The following HEATR5A variants were observed in gnomAD, a reference collection of about 807,000 sequenced individuals.
HEATR5A encodes the protein HEAT repeat-containing protein 5A.
HEATR5A carries 178 observed loss-of-function variants against 218.8 expected under a neutral mutation model. The observed-to-expected ratio is 0.81, with a 90% CI of 0.72 to 0.92. The LOEUF is 0.92. Among genes scored for constraint, HEATR5A ranks in the 40% least tolerant of loss-of-function variants. The pLI, the probability that HEATR5A is intolerant of heterozygous loss-of-function variation, is 0.00. For synonymous variants in HEATR5A, 864 were observed against 871.6 expected, an observed-to-expected ratio of 0.99 and a Z score of 0.15; for missense variants, 2,420 against 2,418.9, an observed-to-expected ratio of 1.00 and a Z score of -0.01.
intron 32 of HEATR5A, chr14:31,302,859 A>G (rs1899429473): frequency 4.3e-6 from 1 of 232,430 alleles, no homozygotes; most frequent in African/African-American, 2.4e-5. Flanking sequence ...TACCATTTTA[A>G]CCATTTTTAG....
At chr14:31,325,279 A>T (rs1900226709) in intron 23 of HEATR5A, among the ~76,000 whole-genome samples, 1 of 152,192 alleles carries the variant, frequency 6.6e-6, no homozygotes, top group African/African-American at 2.4e-5. Flanking sequence ...CAAATTTTAA[A>T]GATTTGAATA....
Position 31,400,435 on chromosome 14 carries a change from G to C in HEATR5A, c.204C>G (p.Thr68=), listed in dbSNP as rs1283392482. The change falls in exon 3 of 36, where the codon ACC becomes ACG. Residue 68 remains threonine, a synonymous_variant. Coordinates refer to ENST00000543095, the MANE Select transcript of HEATR5A (RefSeq NM_015473.4). ...CTAGATTCTTAGCAAGCAGTTTGCG[G>C]GTAGGAGGCCCTGGGGAGCTGTTCA... ...SLLNSSPGPP[T]RKLLAKNLAI... 1 of 1,535,782 alleles carries C rather than the reference G, an allele frequency of 6.5e-7. No individual in the cohort carries two copies. The highest frequency in any genetic ancestry group is 1.4e-5 in the African/African-American group (1 of 73,018).
At chr14:31,330,232 C>A (rs1173498071) in intron 22 of HEATR5A, among the ~76,000 whole-genome samples, 1 of 152,210 alleles carries the variant, frequency 6.6e-6, no homozygotes, top group Middle Eastern at 3.2e-3. Flanking sequence ...ATTCTGTGCA[C>A]CAGCAGGCCC....
At position 31,398,678 on chromosome 14, in the gene HEATR5A, C is replaced by CA; in HGVS notation, c.441dup (p.Ala148CysfsTer8). 6.8e-7 allele frequency: 1 copy of CA among 1,471,054 alleles called. No homozygotes were observed. Among genetic ancestry groups the CA allele is most frequent in the Non-Finnish European group, 9.2e-7 (1 of 1,087,558 alleles). 91.1% of individuals were successfully genotyped at this position (1,471,054 alleles called of 1,614,324 possible). On this transcript the variant is annotated frameshift_variant, in exon 4 of 36. Coordinates refer to ENST00000543095, the MANE Select transcript of HEATR5A (RefSeq NM_015473.4). LOFTEE classifies it high-confidence loss of function. ...CTGAACTTGTAATTACTTACCTCTG[C>CA]ACTCTTCATAGCTTTAAGAATATTC... is the stretch of plus-strand genomic sequence containing the variant.
chr14:31,303,305 C>T (rs530340260), intron 32 of HEATR5A, among the ~76,000 whole-genome samples: 202 of 152,068 alleles, frequency 1.3e-3, no homozygotes, highest in Non-Finnish European at 2.4e-3. Context: ...TGGTGGCACG[C>T]GCCTGTAGTC....
chr14:31,300,328 C>T (rs191524202), intron 33 of HEATR5A, among the ~76,000 whole-genome samples: 62 of 151,582 alleles, frequency 4.1e-4, no homozygotes, highest in African/African-American at 1.4e-3. Flanking sequence ...CTCTGTTGCC[C>T]AGGCTGGAGT....
At chr14:31,420,307 G>A (rs1595199452) in intron 1 of HEATR5A, 165 bp downstream of exon 1, 1 of 152,248 alleles carries the variant, frequency 6.6e-6, no homozygotes. Context: ...TTCTCCCACC[G>A]GCTTCTTTCG....
intron 16 of HEATR5A, among the ~76,000 whole-genome samples, chr14:31,353,966 T>A (rs1441344514): frequency 6.6e-6 from 1 of 151,426 alleles, no homozygotes; most frequent in Admixed American, 6.6e-5. Flanking sequence ...ACCTGGCTAA[T>A]TTTTTTTTAT....
rs187467710 is a variant in HEATR5A at position 31,349,191 on chromosome 14, C to T, written c.2708+598G>A. 2.0e-5 allele frequency among the ~76,000 whole-genome samples: 3 copies of T among 152,182 alleles called. No homozygotes were observed. The East Asian group carries it at 5.8e-4, about 29-fold the overall frequency. On this transcript the variant is annotated intron_variant, in intron 18 of 35. Transcript: ENST00000543095. ...GAACACAAGGTCAGGAGTTCGAGAC[C>T]AGCCTGGCCAGCATGGAGAAACCCC... is the stretch of plus-strand genomic sequence containing the variant.
rs1340114165 is a variant in HEATR5A, at chr14:31,389,250, T to C, written c.773-245A>G. On this transcript the variant is annotated intron_variant, in intron 6 of 35. Transcript: ENST00000543095. The stretch of plus-strand genomic sequence containing the variant: ...AGACTATGACTAAGATCATGACCTA[T>C]TGCTTCCTTTCCTCAAAGAAGTTAA... Among the ~76,000 whole-genome samples, 13 of 152,170 alleles carry C rather than the reference T, an allele frequency of 8.5e-5. No homozygotes were observed. The East Asian group carries it at 1.7e-3, about 20-fold the overall frequency.
intron 12 of HEATR5A, 86 bp from the exon 13 acceptor site, chr14:31,371,995 T>C (rs1902052677): frequency 1.7e-6 from 1 of 584,122 alleles, no homozygotes; most frequent in Non-Finnish European, 3.0e-6. Flanking sequence ...TTAGCATTGT[T>C]ATTAGAGTAA....
Position 31,321,673 on chromosome 14 carries a change from A to G in HEATR5A, c.3795T>C (p.Phe1265=), listed in dbSNP as rs1244933527. The G allele has an allele frequency of 6.3e-7, 1 of 1,586,820 alleles. No individual in the cohort carries two copies. The highest frequency in any genetic ancestry group is 1.2e-5 in the South Asian group (1 of 85,478). The change falls in exon 25 of 36, where the codon TTT becomes TTC. Residue 1265 remains phenylalanine, a synonymous_variant. Transcript: ENST00000543095. ...EMKKRDSRND[F]LVLHLADLIR... ...TTAAGTCAGCAAGATGCAGTACCAAAAAGTCATCTATAAGATTAAAAAACA... is the reference window on the plus strand; with the variant it reads ...TTAAGTCAGCAAGATGCAGTACCAAGAAGTCATCTATAAGATTAAAAAACA...
At chr14:31,413,999 A>C (rs1177009988) in intron 1 of HEATR5A, among the ~76,000 whole-genome samples, 1 of 152,204 alleles carries the variant, frequency 6.6e-6, no homozygotes, top group Non-Finnish European at 1.5e-5. Flanking sequence ...TGTCTTCCAG[A>C]GACATCAGCT....
chr14:31,340,195 T>G (rs1209378008), intron 21 of HEATR5A, among the ~76,000 whole-genome samples: 1 of 152,116 alleles, frequency 6.6e-6, no homozygotes, highest in African/African-American at 2.4e-5. Flanking sequence ...TTTTCTGAAA[T>G]GAATATATTA....
chr14:31,355,826 A>G (rs1300057840), intron 16 of HEATR5A, among the ~76,000 whole-genome samples: 2 of 152,258 alleles, frequency 1.3e-5, no homozygotes, highest in African/African-American at 4.8e-5. Flanking sequence ...CCCTACAGTC[A>G]GAATAGAGAG....
At chr14:31,387,764 GT>G (rs1300208542) in intron 7 of HEATR5A, among the ~76,000 whole-genome samples, 2 of 152,124 alleles carry the variant, frequency 1.3e-5, no homozygotes, top group Admixed American at 1.3e-4. Flanking sequence ...GTTTCACCAT[GT>G]TACCCAGGAT....
intron 1 of HEATR5A, among the ~76,000 whole-genome samples, chr14:31,409,469 G>A (rs2031200564): frequency 6.6e-6 from 1 of 152,142 alleles, no homozygotes; most frequent in South Asian, 2.1e-4. Flanking sequence ...GGAAGCCAAG[G>A]CTGGCAGATC....
At chr14:31,390,248 T>C (rs2030399537) in intron 6 of HEATR5A, among the ~76,000 whole-genome samples, 4 of 152,050 alleles carry the variant, frequency 2.6e-5, no homozygotes, top group Admixed American at 6.6e-5. Context: ...TATAGGACCT[T>C]GTAGGTCATT....
rs1433331346 is a variant in HEATR5A at position 31,402,940 on chromosome 14, T to G, written c.36A>C (p.Glu12Asp). ...ELAHSLLLNE[E>D]AYNQLGEVQK... ...GAACTTCACCTAGTTGATTGTATGC[T>G]TCTTCATTCAGCAGTAAGCTATGAG... The change falls in exon 2 of 36, where the codon GAA (glutamate) becomes GAC (aspartate). Residue 12 changes from glutamate to aspartate, a missense_variant. Coordinates refer to ENST00000543095, the MANE Select transcript of HEATR5A (RefSeq NM_015473.4). The G allele has an allele frequency of 9.8e-6, 15 of 1,536,040 alleles. No homozygotes were observed. The highest frequency in any genetic ancestry group is 2.0e-5 in the Admixed American group (1 of 50,982).
Sources: gnomAD v4.1 joint callset for allele counts (sites outside exome capture counted in the v4.1 genomes callset) on GRCh38, gnomAD v4.1.1 for gene constraint, MANE v1.5 for transcripts, NCBI Gene and HGNC (gene_info 2026-07-23, HGNC 2026-07-21) for gene names.